The following HLCS variants were observed in gnomAD, a reference collection of about 807,000 sequenced individuals.
The protein encoded by HLCS is biotin--protein ligase.
Under a neutral mutation model 75.0 loss-of-function variants are expected in HLCS, and 53 were observed. That is an observed-to-expected ratio of 0.71 (90% CI 0.57 to 0.89). HLCS has a LOEUF of 0.89. Ranked by LOEUF, HLCS falls within the 40% of genes least tolerant of loss-of-function variation. HLCS has a pLI of 0.00. For missense variants in HLCS, 966 were observed against 1,074.0 expected (o/e 0.90, Z 1.41); for synonymous variants, 431 against 428.6 (o/e 1.01, Z -0.07).
chr21:36,796,832 A>G (rs958284367), intron 6 of HLCS, among the ~76,000 whole-genome samples: 2 of 151,994 alleles, frequency 1.3e-5, no homozygotes, highest in Non-Finnish European at 2.9e-5. Context: ...TCAGACCTAA[A>G]TCCACAAGTT....
intron 5 of HLCS, among the ~76,000 whole-genome samples, chr21:36,904,558 A>G (rs943982062): frequency 6.6e-6 from 1 of 152,188 alleles, no homozygotes; most frequent in Admixed American, 6.5e-5. Flanking sequence ...ACCACCCATA[A>G]TTCTCTTAAA....
intron 9 of HLCS, 185 bp from the exon 10 acceptor site, chr21:36,756,940 CTTT>C (rs1402037386): frequency 7.1e-6 from 7 of 985,206 alleles, no homozygotes; most frequent in Non-Finnish European, 8.4e-6. Flanking sequence ...TTTTGTCCTT[CTTT>C]TATTATTCTT....
At chr21:36,977,885 C>A (rs186873046) in intron 1 of HLCS, among the ~76,000 whole-genome samples, 2 of 152,326 alleles carry the variant, frequency 1.3e-5, no homozygotes, top group East Asian at 3.9e-4. Context: ...AGCAACTGCC[C>A]ACCTGGGCAG....
intron 2 of HLCS, among the ~76,000 whole-genome samples, chr21:36,958,240 CAAA>C (rs146841900): frequency 1.1e-4 from 14 of 133,328 alleles, no homozygotes; most frequent in Non-Finnish European, 9.7e-5. Context: ...GAGACTGTCT[CAAA>C]AAAAAAAAAA....
intron 8 of HLCS, among the ~76,000 whole-genome samples, chr21:36,764,638 G>A (rs985162164): frequency 2.6e-5 from 4 of 152,182 alleles, no homozygotes; most frequent in Non-Finnish European, 5.9e-5. Context: ...CTGGAAGGTG[G>A]AGGTTGCAGT....
intron 5 of HLCS, among the ~76,000 whole-genome samples, chr21:36,916,517 AAT>A (rs1491197824): frequency 0.095 from 12,889 of 136,282 alleles, 837 homozygotes; most frequent in Non-Finnish European, 0.13. Flanking sequence ...ATGCCTAGCT[AAT>A]TTTTTTTTTT....
At chr21:36,882,430 G>GT (rs988628424) in intron 6 of HLCS, among the ~76,000 whole-genome samples, 2 of 151,580 alleles carry the variant, frequency 1.3e-5, no homozygotes, top group Admixed American at 6.6e-5. Context: ...AGATTTTGGG[G>GT]TTTTTTTGTT....
At chr21:36,806,224 C>T (rs1294816516) in intron 6 of HLCS, 1 of 152,416 alleles carries the variant, frequency 6.6e-6, no homozygotes, top group African/African-American at 2.4e-5. Flanking sequence ...AGAGCCTTTT[C>T]CACCATTCAT....
chr21:36,858,110 A>G (rs2063260990), intron 6 of HLCS, among the ~76,000 whole-genome samples: 1 of 152,078 alleles, frequency 6.6e-6, no homozygotes, highest in Non-Finnish European at 1.5e-5. Context: ...ATTTTTTATT[A>G]TATTTTAAAC....
At chr21:36,824,625 A>G (rs1415451611) in intron 6 of HLCS, among the ~76,000 whole-genome samples, 1 of 152,218 alleles carries the variant, frequency 6.6e-6, no homozygotes. Flanking sequence ...CTCTGATGCC[A>G]TCTCTGGCAT....
At chr21:36,951,806 T>C (rs2067682791) in intron 2 of HLCS, among the ~76,000 whole-genome samples, 1 of 152,234 alleles carries the variant, frequency 6.6e-6, no homozygotes, top group Admixed American at 6.5e-5. Context: ...AATATAAGTA[T>C]AGAAAATATT....
At position 36,751,030 on chromosome 21, in the gene HLCS, A is replaced by C. The variant is rs909679119; in HGVS notation, c.*3216T>G. 1.3e-5 allele frequency: 2 copies of C among 152,264 alleles called. No homozygotes were observed. The highest frequency in any genetic ancestry group is 2.4e-5 in the African/African-American group (1 of 41,516). The allele number at this position is 152,264 out of a possible 1,614,324, so 9.4% of individuals were successfully genotyped here. On this transcript the variant is annotated 3_prime_UTR_variant, in exon 11 of 11. Coordinates refer to ENST00000674895, the MANE Select transcript of HLCS (RefSeq NM_001352514.2). Reference sequence around the variant, plus strand: ...TGTCAATAATACGTCAAAAAAAAAAACACTTGGCTTCTTAATACTTGGAAA... The same window carrying C: ...TGTCAATAATACGTCAAAAAAAAAACCACTTGGCTTCTTAATACTTGGAAA...
At chr21:36,966,376 C>G (rs931685448) in intron 1 of HLCS, 68 bp downstream of exon 1, 83 of 670,030 alleles carry the variant, frequency 1.2e-4, no homozygotes, top group Non-Finnish European at 1.5e-4. Flanking sequence ...CCGGCGGGGA[C>G]GAGGCGCAGG....
chr21:36,945,723 G>A (rs1284709208), intron 2 of HLCS, among the ~76,000 whole-genome samples: 1 of 152,194 alleles, frequency 6.6e-6, no homozygotes, highest in African/African-American at 2.4e-5. Context: ...AAATGTTTTA[G>A]AATTAGATAA....
intron 6 of HLCS, among the ~76,000 whole-genome samples, chr21:36,850,614 CCT>C (rs34834985): frequency 0.059 from 8,958 of 152,202 alleles, 853 homozygotes; most frequent in African/African-American, 0.2. Flanking sequence ...TCCGGAGACC[CCT>C]GTTCCTCCCA....
intron 1 of HLCS, among the ~76,000 whole-genome samples, chr21:36,983,229 G>T (rs2069158920): frequency 6.6e-6 from 1 of 150,540 alleles, no homozygotes; most frequent in Non-Finnish European, 1.5e-5. Flanking sequence ...TTTATTTAAT[G>T]AGACAGAGTC....
chr21:36,952,516 G>T (rs113069177), intron 2 of HLCS, among the ~76,000 whole-genome samples: 2 of 152,112 alleles, frequency 1.3e-5, no homozygotes, highest in Admixed American at 1.3e-4. Flanking sequence ...AACCACGGCC[G>T]AGCGCGGTGG....
At chr21:36,800,057 G>A (rs1485930628) in intron 6 of HLCS, among the ~76,000 whole-genome samples, 1 of 152,120 alleles carries the variant, frequency 6.6e-6, no homozygotes, top group Non-Finnish European at 1.5e-5. Flanking sequence ...CCACATTTAT[G>A]AACCGTGATC....
intron 6 of HLCS, among the ~76,000 whole-genome samples, chr21:36,855,773 T>A (rs780748069): frequency 3.3e-5 from 5 of 152,034 alleles, no homozygotes; most frequent in Non-Finnish European, 5.9e-5. Context: ...AGATGGGGTT[T>A]TTCTGTGTTT....
Sources: allele counts gnomAD v4.1 joint callset (sites outside exome capture counted in the v4.1 genomes callset), GRCh38; gene constraint gnomAD v4.1.1; transcripts MANE v1.5; gene names NCBI Gene and HGNC (gene_info 2026-07-23, HGNC 2026-07-21).